The following TMEM165 variants were observed in gnomAD, a reference collection of about 807,000 sequenced individuals.
TMEM165 encodes the protein putative divalent cation/proton antiporter TMEM165.
In TMEM165, 19 loss-of-function variants were observed where a neutral mutation model predicts 30.0. The observed-to-expected ratio is 0.63, with a 90% CI of 0.44 to 0.93. TMEM165 has a LOEUF of 0.93. Among genes scored for constraint, TMEM165 ranks in the 40% least tolerant of loss-of-function variants. The probability of loss-of-function intolerance (pLI) is 0.00; values close to 1 mark genes in which losing one functional copy is unlikely to be tolerated. For missense variants in TMEM165, 340 were observed against 417.0 expected (o/e 0.82, Z 1.61); for synonymous variants, 168 against 162.9 (o/e 1.03, Z -0.24).
In TMEM165 at chr4:55,442,643, A is replaced by T. The variant is rs867303496; in HGVS notation, c.409-9596A>T. 7.5e-6 allele frequency: 12 copies of T among 1,608,870 alleles called. No individual in the cohort carries two copies. The Middle Eastern group carries it at 1.8e-3, about 244-fold the overall frequency. ...AGTACATTTTGTTGACTCTGTTAAA[A>T]ATAAAGAGATTTTATAGACAGATTA... On this transcript the variant is annotated intron_variant, in intron 3 of 3. Transcript: ENST00000608091.
chr4:55,448,923 C>T, intron 3 of TMEM165: 1 of 1,295,504 alleles, frequency 7.7e-7, no homozygotes, highest in Non-Finnish European at 1.1e-6. Context: ...TACATGAGTA[C>T]TTCCAGCAGA....
At chr4:55,405,384 T>C (rs1228653952) in intron 1 of TMEM165, among the ~76,000 whole-genome samples, 1 of 152,226 alleles carries the variant, frequency 6.6e-6, no homozygotes, top group African/African-American at 2.4e-5. Flanking sequence ...ACACGAAGGC[T>C]GTCAACCTTG....
chr4:55,432,686 G>GT, intron 3 of TMEM165: 1 of 151,954 alleles, frequency 6.6e-6, no homozygotes, highest in Non-Finnish European at 1.5e-5. Flanking sequence ...AAACAAAGCA[G>GT]CAAAGAGGCA....
At chr4:55,406,751 C>T (rs1484626329) in intron 1 of TMEM165, among the ~76,000 whole-genome samples, 3 of 152,020 alleles carry the variant, frequency 2.0e-5, no homozygotes, top group African/African-American at 7.3e-5. Context: ...CTTGTACCTC[C>T]TGGGCTCAAG....
At chr4:55,400,659 A>G (rs1268360648) in intron 1 of TMEM165, among the ~76,000 whole-genome samples, 2 of 149,100 alleles carry the variant, frequency 1.3e-5, no homozygotes, top group Non-Finnish European at 2.9e-5. Context: ...GGAGGTCTCC[A>G]TCTCCTGACC....
intron 2 of TMEM165, chr4:55,412,843 TTAAG>T (rs1721565149): frequency 6.6e-6 from 1 of 152,202 alleles, no homozygotes; most frequent in African/African-American, 2.4e-5. Context: ...AGTAAATCTC[TTAAG>T]TGTTAACTCT....
At chr4:55,448,668 G>C in intron 3 of TMEM165, 1 of 581,942 alleles carries the variant, frequency 1.7e-6, no homozygotes, top group Non-Finnish European at 3.1e-6. Context: ...CTCCCAAGTA[G>C]CTGTGGCTAC....
intron 4 of TMEM165, among the ~76,000 whole-genome samples, chr4:55,419,712 TTTTTATAA>T (rs2109556293): frequency 6.6e-6 from 1 of 152,236 alleles, no homozygotes; most frequent in African/African-American, 2.4e-5. Flanking sequence ...TCAGATTCTC[TTTTTATAA>T]GAGTAAAATT....
intron 3 of TMEM165, among the ~76,000 whole-genome samples, chr4:55,441,185 T>A (rs1043228071): frequency 3.3e-5 from 5 of 152,194 alleles, no homozygotes; most frequent in African/African-American, 1.2e-4. Flanking sequence ...AAAAGATAGA[T>A]GTTCAGGGAA....
chr4:55,424,700 G>A, intron 5 of TMEM165, 57 bp downstream of exon 5: 1 of 1,155,236 alleles, frequency 8.7e-7, no homozygotes, highest in South Asian at 1.3e-5. Context: ...GAGATTAAAG[G>A]GTGTTAGCTT....
At chr4:55,431,239 A>G (rs1391866988) in intron 3 of TMEM165, 2 of 152,212 alleles carry the variant, frequency 1.3e-5, no homozygotes, top group Non-Finnish European at 2.9e-5. Flanking sequence ...CAGCAGCACT[A>G]TCTTTTGGTA....
At chr4:55,448,290 G>A (rs1724050043) in intron 3 of TMEM165, among the ~76,000 whole-genome samples, 1 of 152,086 alleles carries the variant, frequency 6.6e-6, no homozygotes, top group East Asian at 1.9e-4. Context: ...TACAAATAAA[G>A]TTACTCAATT....
rs79035430 is a variant in TMEM165, at chr4:55,418,683, C to G, written c.792+698C>G. 2.7e-3 allele frequency among the ~76,000 whole-genome samples: 415 copies of G among 152,218 alleles called. 2 individuals are homozygous for G. Among genetic ancestry groups the G allele is most frequent in the African/African-American group, 9.9e-3 (410 of 41,530 alleles). ...GCTGTTTACAAATCTCTGTGTAGCT[C>G]TTAGAATATTCACTCTTCAACATCA... On this transcript the variant is annotated intron_variant, in intron 4 of 5. Transcript: ENST00000381334.
At chr4:55,397,740 CTTTCCTT>C (rs774654523) in intron 1 of TMEM165, among the ~76,000 whole-genome samples, 7 of 147,310 alleles carry the variant, frequency 4.8e-5, no homozygotes, top group African/African-American at 1.0e-4. Context: ...TTCTCCCTTC[CTTTCCTT>C]TTTCCTTTTT....
intron 2 of TMEM165, among the ~76,000 whole-genome samples, chr4:55,414,561 C>G (rs2109547490): frequency 6.6e-6 from 1 of 152,202 alleles, no homozygotes; most frequent in South Asian, 2.1e-4. Flanking sequence ...AGGTTTTAAG[C>G]CCTGCATGCA....
At chr4:55,448,671 G>A in intron 3 of TMEM165, 1 of 697,528 alleles carries the variant, frequency 1.4e-6, no homozygotes. Flanking sequence ...CCAAGTAGCT[G>A]TGGCTACAGG....
At chr4:55,399,806 T>C (rs1170579015) in intron 1 of TMEM165, among the ~76,000 whole-genome samples, 3 of 152,042 alleles carry the variant, frequency 2.0e-5, no homozygotes, top group Non-Finnish European at 4.4e-5. Flanking sequence ...ACTCAGGCCA[T>C]CCTCCTGCCT....
chr4:55,398,221 C>A (rs778121765), intron 1 of TMEM165, among the ~76,000 whole-genome samples: 3 of 152,162 alleles, frequency 2.0e-5, no homozygotes, highest in Non-Finnish European at 2.9e-5. Context: ...TAATGAAGTT[C>A]CCCTTACTGG....
chr4:55,437,046 A>G (rs1040814116), intron 3 of TMEM165, among the ~76,000 whole-genome samples: 2 of 152,058 alleles, frequency 1.3e-5, no homozygotes, highest in Non-Finnish European at 2.9e-5. Context: ...AATAATTTAG[A>G]ACTTGTTTTA....
Sources: gnomAD v4.1 joint callset for allele counts (sites outside exome capture counted in the v4.1 genomes callset) on GRCh38, gnomAD v4.1.1 for gene constraint, MANE v1.5 for transcripts, NCBI Gene and HGNC (gene_info 2026-07-23, HGNC 2026-07-21) for gene names.